Variants in PATJ observed in about 807,000 individuals in gnomAD.
The protein encoded by PATJ is inaD-like protein.
PATJ carries 190 observed loss-of-function variants against 224.9 expected under a neutral mutation model. That is an observed-to-expected ratio of 0.84 (90% CI 0.75 to 0.95). The LOEUF (loss-of-function observed/expected upper bound fraction) is 0.95, where lower values mean the gene tolerates loss of function less well. PATJ is among the 40% of genes least tolerant of loss of function. PATJ has a pLI of 0.00. For synonymous variants in PATJ, 769 were observed against 820.3 expected, an observed-to-expected ratio of 0.94 and a Z score of 1.07; for missense variants, 2,121 against 2,270.3, an observed-to-expected ratio of 0.93 and a Z score of 1.34.
At chr1:61,930,081 T>C (rs1184628170) in intron 27 of PATJ, among the ~76,000 whole-genome samples, 1 of 152,172 alleles carries the variant, frequency 6.6e-6, no homozygotes, top group Admixed American at 6.5e-5. Flanking sequence ...TATTATACAT[T>C]TCACAGATTC....
intron 24 of PATJ, among the ~76,000 whole-genome samples, chr1:61,904,576 A>G (rs1490757148): frequency 6.6e-6 from 1 of 152,328 alleles, no homozygotes; most frequent in East Asian, 1.9e-4. Context: ...CCCTTGCATT[A>G]CCCTTCTGTA....
chr1:61,863,734 C>T (rs2148952077), intron 19 of PATJ, among the ~76,000 whole-genome samples: 1 of 152,250 alleles, frequency 6.6e-6, no homozygotes, highest in South Asian at 2.1e-4. Context: ...AAGAGTCATA[C>T]TCAAAGTAGA....
intron 22 of PATJ, 34 bp downstream of exon 22, chr1:61,884,442 A>G: frequency 6.1e-6 from 7 of 1,153,398 alleles, no homozygotes; most frequent in Non-Finnish European, 8.0e-6. Context: ...TTCACATTAT[A>G]AAATAGTGGT....
intron 33 of PATJ, among the ~76,000 whole-genome samples, chr1:62,101,899 C>T (rs1335329898): frequency 6.6e-6 from 1 of 152,178 alleles, no homozygotes; most frequent in Non-Finnish European, 1.5e-5. Flanking sequence ...AGTATCCAGG[C>T]TGGGCACAGT....
At chr1:62,031,320 C>A (rs1170450402) in intron 29 of PATJ, among the ~76,000 whole-genome samples, 1 of 152,150 alleles carries the variant, frequency 6.6e-6, no homozygotes, top group Admixed American at 6.5e-5. Context: ...TAATATCTAT[C>A]CCAGAATAGT....
intron 7 of PATJ, among the ~76,000 whole-genome samples, chr1:61,782,919 A>T (rs1316796707): frequency 1.3e-5 from 2 of 152,238 alleles, no homozygotes; most frequent in Non-Finnish European, 2.9e-5. Context: ...GTATACCGGA[A>T]TACCTCGTTG....
chr1:62,140,419 G>A (rs911885838), intron 41 of PATJ, among the ~76,000 whole-genome samples: 4 of 152,150 alleles, frequency 2.6e-5, no homozygotes, highest in African/African-American at 7.2e-5. Context: ...TTGGGAGGCC[G>A]AGGCAGGCGG....
intron 10 of PATJ, among the ~76,000 whole-genome samples, chr1:61,796,255 A>C (rs1173557206): frequency 6.6e-6 from 1 of 152,214 alleles, no homozygotes; most frequent in Non-Finnish European, 1.5e-5. Context: ...AGATTGAGAG[A>C]GGAAGCCTAT....
chr1:62,077,790 T>C (rs1460828454), intron 31 of PATJ, among the ~76,000 whole-genome samples: 1 of 152,184 alleles, frequency 6.6e-6, no homozygotes, highest in Non-Finnish European at 1.5e-5. Context: ...ACTTTAAGCT[T>C]GTAGCATTCT....
chr1:62,051,067 C>A lies in PATJ; in HGVS notation c.4125+9C>A. 3 of 1,595,396 alleles carry A rather than the reference C, an allele frequency of 1.9e-6. No homozygotes were observed. Among genetic ancestry groups the A allele is most frequent in the Non-Finnish European group, 1.7e-6 (2 of 1,163,590 alleles). On this transcript the variant is annotated intron_variant, in intron 31 of 43. Transcript: ENST00000642238. ...GTGAAAGCTTCAAACTGGTGAGAAT[C>A]TTGAGTATTTTTCATCCTGTATTCT...
chr1:62,158,337 G>A (rs1297944794), intron 43 of PATJ, among the ~76,000 whole-genome samples: 1 of 149,192 alleles, frequency 6.7e-6, no homozygotes, highest in African/African-American at 2.4e-5. Flanking sequence ...ATCCTAGAAA[G>A]TTAAAAAATC....
chr1:61,817,284 T>G (rs1346043146), intron 14 of PATJ, among the ~76,000 whole-genome samples: 1 of 152,226 alleles, frequency 6.6e-6, no homozygotes, highest in Non-Finnish European at 1.5e-5. Flanking sequence ...ATGTTTGACC[T>G]TAGTATTAGG....
At chr1:61,773,769 G>A (rs1354847638) in intron 6 of PATJ, among the ~76,000 whole-genome samples, 1 of 151,360 alleles carries the variant, frequency 6.6e-6, no homozygotes, top group African/African-American at 2.4e-5. Context: ...GGGTGACAGA[G>A]TGAGACTCTG....
chr1:62,106,158 G>GTGTGTATATATATA lies in PATJ; in HGVS notation c.4378-2278_4378-2277insGTGTATATATATAT, dbSNP rs1356937495. On this transcript the variant is annotated intron_variant, in intron 33 of 43. Transcript: ENST00000642238. ...TACATGTGTATATGTGTGTGTGTGT[G>GTGTGTATATATATA]TATATATATATATATATATATATAT... is the stretch of plus-strand genomic sequence containing the variant. 8.9e-4 allele frequency among the ~76,000 whole-genome samples: 43 copies of GTGTGTATATATATA among 48,058 alleles called. 3 individuals are homozygous for GTGTGTATATATATA. Among genetic ancestry groups the GTGTGTATATATATA allele is most frequent in the African/African-American group, 2.3e-3 (32 of 14,182 alleles). The allele number at this position is 48,058 out of a possible 152,430, so 31.5% of individuals were successfully genotyped here.
At chr1:62,070,241 A>T (rs933525460) in intron 31 of PATJ, among the ~76,000 whole-genome samples, 2 of 152,172 alleles carry the variant, frequency 1.3e-5, no homozygotes, top group Non-Finnish European at 2.9e-5. Flanking sequence ...TCTGTTTACG[A>T]GGCAGGTTAG....
intron 26 of PATJ, among the ~76,000 whole-genome samples, chr1:61,916,252 A>C (rs995454661): frequency 1.3e-5 from 2 of 152,182 alleles, no homozygotes; most frequent in Non-Finnish European, 2.9e-5. Context: ...AGATAAACTT[A>C]TTAAACATTT....
At chr1:62,132,945 A>G (rs895546742) in intron 41 of PATJ, among the ~76,000 whole-genome samples, 27 of 151,510 alleles carry the variant, frequency 1.8e-4, no homozygotes, top group African/African-American at 6.5e-4. Flanking sequence ...AATAGGTGTG[A>G]TTTTTTTTTA....
At chr1:62,058,091 C>T (rs1244220915) in intron 31 of PATJ, among the ~76,000 whole-genome samples, 1 of 152,124 alleles carries the variant, frequency 6.6e-6, no homozygotes, top group Non-Finnish European at 1.5e-5. Flanking sequence ...TAATTTCTGA[C>T]CCTTAGGGCA....
Position 62,097,218 on chromosome 1 carries a change from C to T in PATJ, c.4378-11219C>T, listed in dbSNP as rs1409811902. Among the ~76,000 whole-genome samples the T allele has an allele frequency of 2.0e-5, 3 of 152,252 alleles. 1 individual carries two copies. Among genetic ancestry groups the T allele is most frequent in the Non-Finnish European group, 4.4e-5 (3 of 68,004 alleles). ...CCAGTACTCTTCCCAGCATACATTG[C>T]TGCCTTCCACTGTTTGCAGGCTGGA... On this transcript the variant is annotated intron_variant, in intron 33 of 43. Transcript: ENST00000642238.
Sources: allele counts gnomAD v4.1 joint callset (sites outside exome capture counted in the v4.1 genomes callset), GRCh38; gene constraint gnomAD v4.1.1; transcripts MANE v1.5; gene names NCBI Gene and HGNC (gene_info 2026-07-23, HGNC 2026-07-21).